CFAP61: variants seen among roughly 807,000 people sequenced by gnomAD.
CFAP61 encodes cilia and flagella associated protein 61, also known as cilia- and flagella-associated protein 61.
CFAP61 carries 107 observed loss-of-function variants against 135.6 expected under a neutral mutation model. The ratio of observed to expected loss-of-function variants is 0.79; its 90% CI spans 0.67 to 0.93. The LOEUF is 0.93. Ranked by LOEUF, CFAP61 falls within the 40% of genes least tolerant of loss-of-function variation. The pLI is 0.00. For synonymous variants in CFAP61, 575 were observed against 578.5 expected (o/e 0.99, Z 0.09); for missense variants, 1,507 against 1,556.2 (o/e 0.97, Z 0.53).
intron 25 of CFAP61, chr20:20,322,769 C>T (rs2057581985): frequency 1.0e-6 from 1 of 985,176 alleles, no homozygotes; most frequent in South Asian, 4.7e-5. Flanking sequence ...CTCGTGTTGC[C>T]TAGCAACCTG....
At chr20:20,262,626 G>A (rs1333084389) in intron 20 of CFAP61, among the ~76,000 whole-genome samples, 2 of 152,156 alleles carry the variant, frequency 1.3e-5, no homozygotes, top group Non-Finnish European at 2.9e-5. Flanking sequence ...CAGACATGGT[G>A]GAACAGAGAC....
chr20:20,165,606 C>T (rs528052283), intron 11 of CFAP61, among the ~76,000 whole-genome samples: 56 of 152,160 alleles, frequency 3.7e-4, no homozygotes, highest in African/African-American at 1.3e-3. Flanking sequence ...TTCCACATCT[C>T]CTTAGCACCC....
chr20:20,356,441 T>G (rs1160793060), intron 26 of CFAP61, among the ~76,000 whole-genome samples: 18 of 124,892 alleles, frequency 1.4e-4, no homozygotes, highest in Non-Finnish European at 1.7e-4. Flanking sequence ...TGAGGGGAGG[T>G]GGTCACAGTG....
intron 21 of CFAP61, among the ~76,000 whole-genome samples, chr20:20,266,496 T>G (rs2147019365): frequency 6.6e-6 from 1 of 152,352 alleles, no homozygotes; most frequent in South Asian, 2.1e-4. Flanking sequence ...TGAATGTAAG[T>G]GAAGACAGTT....
chr20:20,162,511 A>T (rs1246299296), intron 10 of CFAP61, among the ~76,000 whole-genome samples: 6 of 152,272 alleles, frequency 3.9e-5, no homozygotes, highest in Non-Finnish European at 8.8e-5. Context: ...CCAGTTAGCC[A>T]GTGTCTGTGG....
chr20:20,166,760 G>A (rs145670942), intron 12 of CFAP61, among the ~76,000 whole-genome samples: 224 of 152,012 alleles, frequency 1.5e-3, no homozygotes, highest in Non-Finnish European at 2.5e-3. Flanking sequence ...TATAGATTAT[G>A]TTGGCTCCAA....
At chr20:20,074,780 T>C (rs1555839609) in intron 4 of CFAP61, among the ~76,000 whole-genome samples, 1 of 152,220 alleles carries the variant, frequency 6.6e-6, no homozygotes, top group Non-Finnish European at 1.5e-5. Context: ...CCAGCAGGGC[T>C]ACCGAGTCAT....
chr20:20,141,050 C>A (rs570103074), intron 8 of CFAP61, among the ~76,000 whole-genome samples: 1 of 152,042 alleles, frequency 6.6e-6, no homozygotes, highest in Admixed American at 6.5e-5. Flanking sequence ...TCCTGAGTAG[C>A]TGGGATTACA....
At chr20:20,152,280 C>T (rs1199619236) in intron 9 of CFAP61, among the ~76,000 whole-genome samples, 1 of 151,782 alleles carries the variant, frequency 6.6e-6, no homozygotes, top group Non-Finnish European at 1.5e-5. Context: ...ATAAATCTCA[C>T]AGGGCCTATA....
intron 25 of CFAP61, among the ~76,000 whole-genome samples, chr20:20,310,929 G>T (rs1200945643): frequency 6.6e-6 from 1 of 152,208 alleles, no homozygotes; most frequent in Non-Finnish European, 1.5e-5. Context: ...GTTTTATAGA[G>T]TGGAGGCAGA....
rs2056879988 is a variant in CFAP61 at position 20,312,293 on chromosome 20, T to TA, written c.3422+13912dup. On this transcript the variant is annotated intron_variant, in intron 25 of 26. Transcript: ENST00000245957. ...TTACTATAACTGCATTCCATGTGAT[T>TA]AAAAAGTTAAGATGTGGAAAACACA... 2.0e-5 allele frequency among the ~76,000 whole-genome samples: 3 copies of TA among 152,306 alleles called. No individual in the cohort carries two copies. In the South Asian group the frequency reaches 6.2e-4, roughly 32 times the overall value.
chr20:20,330,430 G>T (rs928330745), intron 25 of CFAP61, among the ~76,000 whole-genome samples: 2 of 152,036 alleles, frequency 1.3e-5, no homozygotes, highest in African/African-American at 2.4e-5. Flanking sequence ...CTGCCTCCCA[G>T]GCTCCAGTGA....
chr20:20,117,498 G>T (rs1393152066), intron 8 of CFAP61, among the ~76,000 whole-genome samples: 1 of 152,098 alleles, frequency 6.6e-6, no homozygotes, highest in Non-Finnish European at 1.5e-5. Context: ...TCTCTTTGTA[G>T]TACATTTTAA....
chr20:20,236,274 GTT>G (rs2049585500), intron 18 of CFAP61, among the ~76,000 whole-genome samples: 1 of 152,152 alleles, frequency 6.6e-6, no homozygotes, highest in Non-Finnish European at 1.5e-5. Context: ...CCTGGGGTGG[GTT>G]TCAGGAATAT....
chr20:20,094,121 A>G (rs576248456), intron 7 of CFAP61, among the ~76,000 whole-genome samples: 17 of 152,348 alleles, frequency 1.1e-4, no homozygotes, highest in African/African-American at 3.8e-4. Flanking sequence ...GAAGGTGACA[A>G]TTGGCCCCTG....
intron 8 of CFAP61, among the ~76,000 whole-genome samples, chr20:20,114,608 G>A (rs1429727174): frequency 6.6e-6 from 1 of 152,072 alleles, no homozygotes; most frequent in Admixed American, 6.6e-5. Context: ...ATGGGCTTTT[G>A]TATATTGATT....
Position 20,073,987 on chromosome 20 carries a change from A to G in CFAP61, c.295-315A>G. 1.2e-5 allele frequency: 4 copies of G among 331,282 alleles called. 1 individual carries two copies. The highest frequency in any genetic ancestry group is 1.9e-3 in the Middle Eastern group (2 of 1,038). 20.5% of individuals were successfully genotyped at this position (331,282 alleles called of 1,614,324 possible). A position where few individuals can be genotyped will look rare whatever the true frequency, so the allele number is the denominator to read the frequency against. Reference sequence around the variant, plus strand: ...CCCTGAGGACAAGACTACTGAGTTAATAATCGATTTCACTCCCCTGCAGGC... The same window carrying G: ...CCCTGAGGACAAGACTACTGAGTTAGTAATCGATTTCACTCCCCTGCAGGC... On this transcript the variant is annotated intron_variant, in intron 3 of 26. Transcript: ENST00000245957.
chr20:20,207,361 T>G (rs138390310), intron 17 of CFAP61, among the ~76,000 whole-genome samples: 5 of 152,320 alleles, frequency 3.3e-5, no homozygotes, highest in Non-Finnish European at 7.4e-5. Flanking sequence ...GCTGATCGGG[T>G]TCTTGCCACA....
At chr20:20,355,859 G>C (rs1272936252) in intron 26 of CFAP61, among the ~76,000 whole-genome samples, 10 of 148,012 alleles carry the variant, frequency 6.8e-5, no homozygotes, top group Admixed American at 2.0e-4. Context: ...CACACTGAGG[G>C]GAGGTAGTCA....
Sources: gnomAD v4.1 joint callset for allele counts (sites outside exome capture counted in the v4.1 genomes callset) on GRCh38, gnomAD v4.1.1 for gene constraint, MANE v1.5 for transcripts, NCBI Gene and HGNC (gene_info 2026-07-23, HGNC 2026-07-21) for gene names.